TENM3: variants seen among roughly 807,000 people sequenced by gnomAD.
TENM3 encodes teneurin-3.
In TENM3, 63 loss-of-function variants were observed where a neutral mutation model predicts 255.1. The observed-to-expected ratio is 0.25, with a 90% CI of 0.20 to 0.30. TENM3 has a LOEUF of 0.30. TENM3 is among the 10% of genes least tolerant of loss of function. The pLI, the probability that TENM3 is intolerant of heterozygous loss-of-function variation, is 1.00. For missense variants in TENM3, 2,929 were observed against 3,461.1 expected, an observed-to-expected ratio of 0.85 and a Z score of 3.86; for synonymous variants, 1,306 against 1,322.3, an observed-to-expected ratio of 0.99 and a Z score of 0.27.
intron 3 of TENM3, among the ~76,000 whole-genome samples, chr4:182,373,619 A>AC (rs1378147999): frequency 2.0e-5 from 3 of 151,368 alleles, no homozygotes; most frequent in Non-Finnish European, 2.9e-5. Context: ...TTCATGAGGG[A>AC]CCCCCCTCAT....
rs564794375 is a variant in TENM3, at chr4:182,229,384, A to T, written c.-76+84630A>T. ...ATTGCTCATCTATAAGCAGAGTCTTACGGTTTTAGCTGCAATCTGTGGTCC... is the reference window on the plus strand; with the variant it reads ...ATTGCTCATCTATAAGCAGAGTCTTTCGGTTTTAGCTGCAATCTGTGGTCC... On this transcript the variant is annotated intron_variant, in intron 1 of 2. Transcript: ENST00000512480. 1.6e-4 allele frequency among the ~76,000 whole-genome samples: 24 copies of T among 152,296 alleles called. No homozygotes were observed. In the South Asian group the frequency reaches 4.8e-3, roughly 30 times the overall value.
the TENM3 span, among the ~76,000 whole-genome samples, chr4:181,673,850 G>GTGTA: frequency 0.068 from 6,348 of 93,392 alleles, 153 homozygotes; most frequent in African/African-American, 0.098. Context: ...TGTGTGGTGT[G>GTGTA]TGTGTGTGTG....
chr4:182,328,202 G>T (rs1382267391), intron 2 of TENM3, among the ~76,000 whole-genome samples: 1 of 151,862 alleles, frequency 6.6e-6, no homozygotes, highest in African/African-American at 2.4e-5. Context: ...TGGAGAGGAA[G>T]GACTCTGTTT....
At chr4:182,372,993 GC>G (rs1308318329) in intron 3 of TENM3, among the ~76,000 whole-genome samples, 1 of 152,086 alleles carries the variant, frequency 6.6e-6, no homozygotes. Context: ...GCCTGCCTCG[GC>G]CTCCCAAAGT....
the TENM3 span, among the ~76,000 whole-genome samples, chr4:181,817,621 G>A: frequency 7.7e-3 from 1,173 of 152,234 alleles, 20 homozygotes; most frequent in African/African-American, 0.027. Context: ...AAAGTGATCG[G>A]GTTACAAAGG....
rs546260001 is a variant in TENM3, at chr4:182,183,092, A to G, written c.-76+38338A>G. On this transcript the variant is annotated intron_variant, in intron 1 of 2. Transcript: ENST00000512480. ...TACATCAATTTGATGAGAATATTAGATGAAATTGGAGGAACAGTTAATTTA... is the reference window on the plus strand; with the variant it reads ...TACATCAATTTGATGAGAATATTAGGTGAAATTGGAGGAACAGTTAATTTA... Among the ~76,000 whole-genome samples, 9 of 152,324 alleles carry G rather than the reference A, an allele frequency of 5.9e-5. No individual in the cohort carries two copies. The East Asian group carries it at 1.7e-3, about 29-fold the overall frequency.
the TENM3 span, among the ~76,000 whole-genome samples, chr4:181,817,855 T>C: frequency 3.3e-5 from 5 of 152,296 alleles, no homozygotes; most frequent in South Asian, 1.0e-3. Context: ...CTTTGTAAAT[T>C]ACTCAGTCTG....
chr4:182,035,116 C>T, the TENM3 span, among the ~76,000 whole-genome samples: 1 of 152,090 alleles, frequency 6.6e-6, no homozygotes, highest in Non-Finnish European at 1.5e-5. Flanking sequence ...GTGAGATATT[C>T]TAAACAGTCA....
At chr4:181,580,416 G>T in the TENM3 span, among the ~76,000 whole-genome samples, 2 of 152,170 alleles carry the variant, frequency 1.3e-5, no homozygotes, top group South Asian at 4.1e-4. Context: ...GAGCCCAGCA[G>T]CTCCTCTCCA....
chr4:181,492,664 A>C, the TENM3 span, among the ~76,000 whole-genome samples: 1 of 152,026 alleles, frequency 6.6e-6, no homozygotes, highest in African/African-American at 2.4e-5. Flanking sequence ...TCATTGTTCT[A>C]CAGATTTTTT....
At chr4:181,610,052 C>T in the TENM3 span, among the ~76,000 whole-genome samples, 1 of 152,162 alleles carries the variant, frequency 6.6e-6, no homozygotes, top group African/African-American at 2.4e-5. Flanking sequence ...TATATTGTTA[C>T]AGAGTTTGCA....
intron 3 of TENM3, among the ~76,000 whole-genome samples, chr4:182,375,151 A>G (rs1230913344): frequency 6.6e-6 from 1 of 152,034 alleles, no homozygotes; most frequent in East Asian, 1.9e-4. Context: ...CAGCCTCTAA[A>G]TTTCCCAGAT....
chr4:181,854,560 T>C, the TENM3 span, among the ~76,000 whole-genome samples: 2 of 152,240 alleles, frequency 1.3e-5, no homozygotes, highest in African/African-American at 4.8e-5. Context: ...AAATAAATTG[T>C]TGCCGAATCA....
chr4:181,789,329 C>T, the TENM3 span, among the ~76,000 whole-genome samples: 6 of 151,764 alleles, frequency 4.0e-5, no homozygotes, highest in Admixed American at 6.6e-5. Context: ...GATCTCGGCT[C>T]ACTGCAACCT....
intron 1 of TENM3, among the ~76,000 whole-genome samples, chr4:182,185,010 G>A (rs1431876764): frequency 6.6e-6 from 1 of 152,054 alleles, no homozygotes; most frequent in Non-Finnish European, 1.5e-5. Context: ...TTGAACCCGG[G>A]AGGTGGAGGT....
At position 182,733,071 on chromosome 4, in the gene TENM3, G is replaced by C. The variant is rs77912565; in HGVS notation, c.2967+1932G>C. On this transcript the variant is annotated intron_variant, in intron 16 of 27. Transcript: ENST00000511685. ...GAGGCAGTCAACAAGAAATATGTCA[G>C]GTTGCGATGAGACTTATCAAAAAAT... Among the ~76,000 whole-genome samples the C allele has an allele frequency of 9.2e-3, 1,405 of 152,340 alleles. 20 individuals are homozygous for C. Among genetic ancestry groups the C allele is most frequent in the African/African-American group, 0.032 (1,335 of 41,574 alleles).
At chr4:181,762,716 T>C in the TENM3 span, among the ~76,000 whole-genome samples, 2 of 152,280 alleles carry the variant, frequency 1.3e-5, no homozygotes, top group African/African-American at 4.8e-5. Context: ...TTTTACCCCA[T>C]TATCAAAACT....
the TENM3 span, among the ~76,000 whole-genome samples, chr4:182,060,979 A>T: frequency 1.3e-5 from 2 of 152,088 alleles, no homozygotes; most frequent in Non-Finnish European, 2.9e-5. Flanking sequence ...TCAATATGTC[A>T]CCTGTCTCAG....
intron 22 of TENM3, among the ~76,000 whole-genome samples, chr4:182,758,672 CTA>C (rs1338222957): frequency 1.3e-5 from 2 of 152,178 alleles, no homozygotes; most frequent in South Asian, 4.2e-4. Context: ...TACCATGTGT[CTA>C]TGTGTCTACT....
Sources: allele counts gnomAD v4.1 joint callset (sites outside exome capture counted in the v4.1 genomes callset), GRCh38; gene constraint gnomAD v4.1.1; transcripts MANE v1.5; gene names NCBI Gene and HGNC (gene_info 2026-07-23, HGNC 2026-07-21).